The following MAGI2 variants were observed in gnomAD, a reference collection of about 807,000 sequenced individuals.
MAGI2 encodes membrane associated guanylate kinase, WW and PDZ domain containing 2, also known as membrane-associated guanylate kinase, WW and PDZ domain-containing protein 2.
Under a neutral mutation model 133.3 loss-of-function variants are expected in MAGI2, and 35 were observed. The observed-to-expected ratio is 0.26, with a 90% CI of 0.20 to 0.35. The LOEUF is 0.35. MAGI2 is among the 10% of genes least tolerant of loss of function. The pLI is 1.00. For synonymous variants in MAGI2, 729 were observed against 710.6 expected (o/e 1.03, Z -0.41); for missense variants, 1,636 against 1,863.4 (o/e 0.88, Z 2.25).
intron 2 of MAGI2, among the ~76,000 whole-genome samples, chr7:78,769,874 C>T (rs1279572187): frequency 1.3e-5 from 2 of 152,122 alleles, no homozygotes; most frequent in Non-Finnish European, 2.9e-5. Flanking sequence ...CTATTCAGAA[C>T]TAAATGCTTC....
At chr7:78,893,748 G>C (rs111296157) in intron 2 of MAGI2, among the ~76,000 whole-genome samples, 9,383 of 152,002 alleles carry the variant, frequency 0.062, 357 homozygotes, top group Middle Eastern at 0.11. Flanking sequence ...GCGGGGGAGG[G>C]ATAGCATTAG....
chr7:78,656,605 CTA>C (rs1812306102), intron 2 of MAGI2, among the ~76,000 whole-genome samples: 1 of 152,052 alleles, frequency 6.6e-6, no homozygotes, highest in Non-Finnish European at 1.5e-5. Flanking sequence ...ATCTAGAGAT[CTA>C]ATGTACAGCA....
chr7:78,645,640 GGTGTGTGT>G (rs59287974), intron 2 of MAGI2, among the ~76,000 whole-genome samples: 11 of 147,348 alleles, frequency 7.5e-5, no homozygotes, highest in African/African-American at 1.0e-4. Flanking sequence ...ATATAAGTGT[GGTGTGTGT>G]GTGTGTGTGT....
At chr7:79,289,519 C>G (rs1388849868) in intron 1 of MAGI2, among the ~76,000 whole-genome samples, 1 of 152,162 alleles carries the variant, frequency 6.6e-6, no homozygotes, top group African/African-American at 2.4e-5. Flanking sequence ...ACAATCCTCT[C>G]TGATGGACTA....
chr7:78,590,589 T>TTA (rs945080172), intron 3 of MAGI2, among the ~76,000 whole-genome samples: 1 of 152,250 alleles, frequency 6.6e-6, no homozygotes, highest in African/African-American at 2.4e-5. Flanking sequence ...CTCCTATTGC[T>TTA]TATCATGGTT....
intron 2 of MAGI2, among the ~76,000 whole-genome samples, chr7:78,783,584 A>G (rs1826567054): frequency 6.6e-6 from 1 of 152,228 alleles, no homozygotes; most frequent in African/African-American, 2.4e-5. Context: ...GCTGTACAGG[A>G]ACCTGGAGCT....
At chr7:79,023,229 GA>G (rs1809524290) in intron 1 of MAGI2, among the ~76,000 whole-genome samples, 1 of 151,856 alleles carries the variant, frequency 6.6e-6, no homozygotes, top group African/African-American at 2.4e-5. Flanking sequence ...ACTAAAGACA[GA>G]AAACAACATG....
chr7:79,399,201 T>C (rs990916341), intron 1 of MAGI2, among the ~76,000 whole-genome samples: 1 of 151,168 alleles, frequency 6.6e-6, no homozygotes, highest in Non-Finnish European at 1.5e-5. Context: ...TTCAGGCAAT[T>C]CTGCTGCCTC....
intron 1 of MAGI2, among the ~76,000 whole-genome samples, chr7:79,217,803 T>G (rs1034348165): frequency 3.9e-5 from 6 of 151,988 alleles, no homozygotes; most frequent in African/African-American, 1.5e-4. Flanking sequence ...AATTACATTT[T>G]GGGTATAAAC....
At chr7:78,226,157 T>C (rs546898296) in intron 10 of MAGI2, among the ~76,000 whole-genome samples, 1 of 152,344 alleles carries the variant, frequency 6.6e-6, no homozygotes, top group Admixed American at 6.5e-5. Flanking sequence ...CAATTTTTTA[T>C]GTCTTTCTTT....
At chr7:78,148,035 A>T in intron 16 of MAGI2, among the ~76,000 whole-genome samples, 1 of 152,156 alleles carries the variant, frequency 6.6e-6, no homozygotes, top group Non-Finnish European at 1.5e-5. Flanking sequence ...CTACACCTAG[A>T]TATTTACCAA....
chr7:78,464,008 T>C (rs941937993), intron 6 of MAGI2, among the ~76,000 whole-genome samples: 11 of 152,168 alleles, frequency 7.2e-5, no homozygotes, highest in African/African-American at 2.4e-4. Flanking sequence ...AAAATGGGAA[T>C]TGTTGCAAAG....
intron 2 of MAGI2, among the ~76,000 whole-genome samples, chr7:78,659,080 G>A (rs1405189622): frequency 6.6e-6 from 1 of 152,080 alleles, no homozygotes; most frequent in Non-Finnish European, 1.5e-5. Flanking sequence ...TCCTTCAAGA[G>A]GGAATGCTTA....
chr7:79,226,756 G>T (rs973641367), intron 1 of MAGI2, among the ~76,000 whole-genome samples: 1 of 152,042 alleles, frequency 6.6e-6, no homozygotes, highest in Admixed American at 6.5e-5. Context: ...TAGTATTATA[G>T]TGAAATTCCA....
At chr7:78,917,219 C>T (rs1316547185) in intron 2 of MAGI2, among the ~76,000 whole-genome samples, 1 of 151,834 alleles carries the variant, frequency 6.6e-6, no homozygotes, top group African/African-American at 2.4e-5. Flanking sequence ...AGAACATAGG[C>T]TAAATGAAAC....
intron 9 of MAGI2, among the ~76,000 whole-genome samples, chr7:78,293,662 A>G (rs1477360413): frequency 6.6e-6 from 1 of 152,246 alleles, no homozygotes; most frequent in Admixed American, 6.5e-5. Context: ...ACTATTCACA[A>G]TAGCAAAGAC....
At position 78,194,857 on chromosome 7, in the gene MAGI2, A is replaced by G; in HGVS notation, c.2269+17T>C. On this transcript the variant is annotated intron_variant, in intron 12 of 21. Transcript: ENST00000354212. ...GCTATTATTAATGTACCCTTGTTTC[A>G]TGTGGCTTTCACTTACGCCTACTTT... 1.0e-5 allele frequency: 16 copies of G among 1,574,492 alleles called. No individual in the cohort carries two copies. Among genetic ancestry groups the G allele is most frequent in the Non-Finnish European group, 1.3e-5 (15 of 1,161,402 alleles).
At chr7:79,196,625 G>T (rs1218808540) in intron 1 of MAGI2, among the ~76,000 whole-genome samples, 4 of 151,814 alleles carry the variant, frequency 2.6e-5, no homozygotes, top group African/African-American at 9.7e-5. Flanking sequence ...GATGACTATT[G>T]TTCACTGTAG....
intron 2 of MAGI2, among the ~76,000 whole-genome samples, chr7:78,680,956 T>TGA (rs1378608435): frequency 6.6e-6 from 1 of 152,156 alleles, no homozygotes; most frequent in African/African-American, 2.4e-5. Context: ...GGCCTTACAC[T>TGA]GACAAGTCAT....
Sources: gnomAD v4.1 joint callset for allele counts (sites outside exome capture counted in the v4.1 genomes callset) on GRCh38, gnomAD v4.1.1 for gene constraint, MANE v1.5 for transcripts, NCBI Gene and HGNC (gene_info 2026-07-23, HGNC 2026-07-21) for gene names.